ADAMTS9: variants seen among roughly 807,000 people sequenced by gnomAD.
The protein encoded by ADAMTS9 is A disintegrin and metalloproteinase with thrombospondin motifs 9.
A neutral mutation model predicts 257.1 loss-of-function variants in ADAMTS9; 107 were observed. The ratio of observed to expected loss-of-function variants is 0.42; its 90% confidence interval spans 0.36 to 0.49. ADAMTS9 has a LOEUF of 0.49. Ranked by LOEUF, ADAMTS9 falls within the 20% of genes least tolerant of loss-of-function variation. The pLI is 0.03. For missense variants in ADAMTS9, 2,353 were observed against 2,469.1 expected (o/e 0.95, Z 1.00); for synonymous variants, 982 against 880.9 (o/e 1.11, Z -2.03).
At chr3:64,655,979 A>G (rs1268438165) in intron 4 of ADAMTS9, 104 bp from the exon 5 acceptor site, 7 of 648,804 alleles carry the variant, frequency 1.1e-5, no homozygotes, top group Admixed American at 9.7e-5. Flanking sequence ...GTTTCTTGCA[A>G]CATATGCATT....
intron 12 of ADAMTS9, among the ~76,000 whole-genome samples, chr3:64,634,613 C>G (rs1700447625): frequency 6.6e-6 from 1 of 152,242 alleles, no homozygotes; most frequent in South Asian, 2.1e-4. Context: ...AGATGTGATC[C>G]AGAGAGTAAA....
intron 22 of ADAMTS9, among the ~76,000 whole-genome samples, chr3:64,612,842 T>C (rs950609148): frequency 2.6e-5 from 4 of 152,218 alleles, no homozygotes; most frequent in Non-Finnish European, 5.9e-5. Context: ...GAAAAGATTA[T>C]TTCCAAGCAT....
At chr3:64,517,416 G>GTTTTTTTTGTTTTTTTTTTTTTTTT (rs1553698668) in intron 39 of ADAMTS9, among the ~76,000 whole-genome samples, 5 of 52,640 alleles carry the variant, frequency 9.5e-5, no homozygotes, top group East Asian at 1.4e-3. Flanking sequence ...ATTAAAAATG[G>GTTTTTTTTGTTTTTTTTTTTTTTTT]TTTTTTTTTT....
chr3:64,541,730 A>G, intron 33 of ADAMTS9, 108 bp downstream of exon 33: 5 of 1,565,770 alleles, frequency 3.2e-6, no homozygotes, highest in Non-Finnish European at 4.4e-6. Context: ...AAAGCGAATG[A>G]TTTCCTTCAG....
chr3:64,611,355 C>T (rs6784609), intron 22 of ADAMTS9, among the ~76,000 whole-genome samples: 71,573 of 151,966 alleles, frequency 0.47, 17,141 homozygotes, highest in African/African-American at 0.56. Flanking sequence ...CTAGAAAACA[C>T]TGCGGTATGT....
intron 2 of ADAMTS9, among the ~76,000 whole-genome samples, chr3:64,681,957 T>C (rs1281091205): frequency 2.6e-5 from 4 of 152,172 alleles, no homozygotes; most frequent in African/African-American, 9.6e-5. Context: ...AAGTATGCAC[T>C]CCAGCAGGAA....
chr3:64,644,720 T>C (rs1006816306), intron 11 of ADAMTS9, among the ~76,000 whole-genome samples: 1 of 152,144 alleles, frequency 6.6e-6, no homozygotes, highest in African/African-American at 2.4e-5. Context: ...GGAAATACAT[T>C]TTTTCCCTCT....
chr3:64,665,061 T>C (rs562813746), intron 3 of ADAMTS9, among the ~76,000 whole-genome samples: 17 of 152,314 alleles, frequency 1.1e-4, no homozygotes, highest in Non-Finnish European at 1.8e-4. Flanking sequence ...AACGCATGTT[T>C]GCATTAGAAG....
intron 28 of ADAMTS9, among the ~76,000 whole-genome samples, chr3:64,576,700 C>T (rs1438615412): frequency 6.6e-6 from 1 of 152,168 alleles, no homozygotes; most frequent in Non-Finnish European, 1.5e-5. Context: ...ACGGTCATCC[C>T]AGCCGGATGG....
chr3:64,680,811 C>G (rs944104972), intron 3 of ADAMTS9, among the ~76,000 whole-genome samples: 1 of 151,972 alleles, frequency 6.6e-6, no homozygotes, highest in Non-Finnish European at 1.5e-5. Flanking sequence ...AAAAAACACC[C>G]AAATGAACAG....
In ADAMTS9 at chr3:64,568,341, A is replaced by G. The variant is rs2083592225; in HGVS notation, c.4524+27T>C. On this transcript the variant is annotated intron_variant, in intron 29 of 39. Coordinates refer to ENST00000498707, the MANE Select transcript of ADAMTS9 (RefSeq NM_182920.2). ...GCCACGTGGCCAAACGTAAGGAAGC[A>G]GTCAGTAGAGGAGAAGCATTGCTCA... 5 of 1,590,306 alleles carry G rather than the reference A, an allele frequency of 3.1e-6. No individual in the cohort carries two copies. The African/African-American group carries it at 6.8e-5, about 22-fold the overall frequency.
intron 3 of ADAMTS9, among the ~76,000 whole-genome samples, chr3:64,673,485 C>A (rs1003839234): frequency 6.6e-5 from 10 of 152,050 alleles, no homozygotes; most frequent in African/African-American, 2.4e-4. Flanking sequence ...CAAACTAGAA[C>A]GAAAATAGCA....
chr3:64,609,102 A>G (rs921464205), intron 22 of ADAMTS9, among the ~76,000 whole-genome samples: 7 of 152,120 alleles, frequency 4.6e-5, no homozygotes, highest in African/African-American at 1.4e-4. Flanking sequence ...GAAATCTAGC[A>G]ATAAAAGGGA....
chr3:64,541,109 C>G lies in ADAMTS9; in HGVS notation c.5507G>C (p.Ser1836Thr). 6 of 1,613,992 alleles carry G rather than the reference C, an allele frequency of 3.7e-6. No individual in the cohort carries two copies. The highest frequency in any genetic ancestry group is 4.2e-6 in the Non-Finnish European group (5 of 1,179,902). The change falls in exon 36 of 40, where the codon AGC becomes ACC. Residue 1836 changes from serine (S) to threonine (T), a missense_variant. Physicochemically the swap from Ser to Thr is moderately conservative, Grantham distance 58. Transcript: ENST00000498707. ...CACTAACTTACTGATTATCTGCATG[C>G]TGGTCAGGTCTATTCTGATTTTCTG... Reference protein sequence around the residue: ...SFQKIRIDLTSMQIITTDLQF... With the variant: ...SFQKIRIDLTTMQIITTDLQF...
intron 38 of ADAMTS9, among the ~76,000 whole-genome samples, chr3:64,527,832 T>C (rs2082928601): frequency 6.6e-6 from 1 of 152,188 alleles, no homozygotes; most frequent in South Asian, 2.1e-4. Context: ...AGTTGGATTT[T>C]CATAAGCTGA....
At position 64,557,170 on chromosome 3, in the gene ADAMTS9, G is replaced by T. The variant is rs1269061226; in HGVS notation, c.4698+4408C>A. The stretch of plus-strand genomic sequence containing the variant: ...CTGAAGGATAAGAAAGGGTGACTGA[G>T]GTGAAGGTCAGAGGAAGGTGGTCTT... On this transcript the variant is annotated intron_variant, in intron 30 of 39. Coordinates refer to ENST00000498707, the MANE Select transcript of ADAMTS9 (RefSeq NM_182920.2). Among the ~76,000 whole-genome samples the T allele has an allele frequency of 3.3e-5, 5 of 152,112 alleles. 1 individual carries two copies. The highest frequency in any genetic ancestry group is 9.7e-5 in the African/African-American group (4 of 41,418).
chr3:64,603,855 C>A, intron 25 of ADAMTS9, 67 bp downstream of exon 25: 1 of 1,547,038 alleles, frequency 6.5e-7, no homozygotes, highest in Non-Finnish European at 8.8e-7. Flanking sequence ...CGCCCCCCTC[C>A]GCTGACTCCT....
chr3:64,667,051 A>T (rs1701368247), intron 3 of ADAMTS9, among the ~76,000 whole-genome samples: 2 of 152,136 alleles, frequency 1.3e-5, no homozygotes, highest in African/African-American at 4.8e-5. Flanking sequence ...TTTTTAAGTG[A>T]TGTGCCCAGT....
At chr3:64,650,927 G>A in intron 9 of ADAMTS9, 90 bp downstream of exon 9, 1 of 1,224,768 alleles carries the variant, frequency 8.2e-7, no homozygotes, top group Non-Finnish European at 1.1e-6. Context: ...CAAAAGGAAT[G>A]TTTGACTTCA....
Sources: allele counts gnomAD v4.1 joint callset (sites outside exome capture counted in the v4.1 genomes callset), GRCh38; gene constraint gnomAD v4.1.1; transcripts MANE v1.5; gene names NCBI Gene and HGNC (gene_info 2026-07-23, HGNC 2026-07-21).